Variants in GRIP1 observed in about 807,000 individuals in gnomAD.
The protein encoded by GRIP1 is glutamate receptor interacting protein 1, also known as glutamate receptor-interacting protein 1.
GRIP1 carries 45 observed loss-of-function variants against 129.9 expected under a neutral mutation model. The observed-to-expected ratio is 0.35, with a 90% CI of 0.27 to 0.44. GRIP1 has a LOEUF of 0.44. Among genes scored for constraint, GRIP1 ranks in the 20% least tolerant of loss-of-function variants. The pLI, the probability that GRIP1 is intolerant of heterozygous loss-of-function variation, is 1.00. For synonymous variants in GRIP1, 530 were observed against 520.8 expected (o/e 1.02, Z -0.24); for missense variants, 1,196 against 1,396.8 (o/e 0.86, Z 2.29).
intron 1 of GRIP1, among the ~76,000 whole-genome samples, chr12:66,859,043 G>A (rs2040054650): frequency 6.6e-6 from 1 of 151,722 alleles, no homozygotes; most frequent in African/African-American, 2.4e-5. Flanking sequence ...CTATGAATCT[G>A]TCCAGGTATT....
chr12:66,970,911 T>C lies in GRIP1; in HGVS notation c.58+98139A>G, dbSNP rs186444827. On this transcript the variant is annotated intron_variant, in intron 1 of 1. Transcript: ENST00000643019. ...TTCCTTGGAGAGTAAGTCTTTATCA[T>C]AGAGAACATTCTGAGCGCACTTCAA... Among the ~76,000 whole-genome samples the C allele has an allele frequency of 2.0e-3, 308 of 152,300 alleles. 2 individuals are homozygous for C. Among genetic ancestry groups the C allele is most frequent in the African/African-American group, 7.0e-3 (289 of 41,576 alleles).
chr12:66,805,412 T>G (rs935082396), upstream of GRIP1, among the ~76,000 whole-genome samples: 1 of 152,186 alleles, frequency 6.6e-6, no homozygotes, highest in African/African-American at 2.4e-5. Context: ...TTCTTTCTTC[T>G]TCAGGTCTTT....
intron 1 of GRIP1, among the ~76,000 whole-genome samples, chr12:66,964,209 A>G (rs988472302): frequency 6.6e-6 from 1 of 152,096 alleles, no homozygotes; most frequent in Non-Finnish European, 1.5e-5. Flanking sequence ...TTATTCAGCA[A>G]TTTTTTTGTT....
chr12:66,887,309 G>A (rs765213093), intron 1 of GRIP1, among the ~76,000 whole-genome samples: 3 of 152,204 alleles, frequency 2.0e-5, no homozygotes, highest in Admixed American at 1.3e-4. Context: ...AAATCATAAT[G>A]CCTAATTATA....
chr12:66,686,377 ACCAAATACACATTCAT>A (rs1342453450), intron 1 of GRIP1, among the ~76,000 whole-genome samples: 1 of 152,244 alleles, frequency 6.6e-6, no homozygotes, highest in Non-Finnish European at 1.5e-5. Context: ...TGAAGGAAAT[ACCAAATACACATTCAT>A]CCTGATAGTA....
intron 13 of GRIP1, among the ~76,000 whole-genome samples, chr12:66,436,846 C>T (rs1296075182): frequency 1.3e-5 from 2 of 151,842 alleles, no homozygotes; most frequent in Non-Finnish European, 2.9e-5. Context: ...CTTAGCCAGG[C>T]TTGGTGGCAC....
chr12:66,357,783 CA>C (rs1224299507), intron 23 of GRIP1, among the ~76,000 whole-genome samples: 1 of 152,144 alleles, frequency 6.6e-6, no homozygotes, highest in Non-Finnish European at 1.5e-5. Flanking sequence ...AATTTCAAAA[CA>C]GGGAATTTGT....
At chr12:66,938,725 A>G (rs557615925) in intron 1 of GRIP1, among the ~76,000 whole-genome samples, 10 of 151,952 alleles carry the variant, frequency 6.6e-5, no homozygotes, top group Admixed American at 1.3e-4. Flanking sequence ...TTGGGAGGCC[A>G]AGGCGGGCAG....
intron 6 of GRIP1, among the ~76,000 whole-genome samples, chr12:66,516,325 C>T (rs189792099): frequency 6.6e-6 from 1 of 152,114 alleles, no homozygotes; most frequent in Admixed American, 6.6e-5. Flanking sequence ...CCTGCTGTGA[C>T]CACAGACACT....
At chr12:66,566,192 C>A (rs1025872402) in intron 2 of GRIP1, among the ~76,000 whole-genome samples, 22 of 152,170 alleles carry the variant, frequency 1.4e-4, no homozygotes, top group African/African-American at 4.8e-4. Context: ...GCATCCCTGT[C>A]TTGTGCCAGT....
chr12:66,759,281 T>C (rs1168286792), intron 1 of GRIP1, among the ~76,000 whole-genome samples: 1 of 152,234 alleles, frequency 6.6e-6, no homozygotes, highest in Admixed American at 6.5e-5. Context: ...GCATGAGTTC[T>C]ACATTGGCCC....
chr12:66,540,424 A>G (rs2061737857), intron 3 of GRIP1, among the ~76,000 whole-genome samples: 1 of 152,154 alleles, frequency 6.6e-6, no homozygotes, highest in Non-Finnish European at 1.5e-5. Context: ...CTTAAGGGAG[A>G]GCTATAAAGA....
intron 1 of GRIP1, among the ~76,000 whole-genome samples, chr12:66,731,515 A>G (rs1348548849): frequency 6.6e-6 from 1 of 152,200 alleles, no homozygotes; most frequent in Non-Finnish European, 1.5e-5. Context: ...AACCTTTTAT[A>G]CAATATCTGC....
intron 16 of GRIP1, among the ~76,000 whole-genome samples, chr12:66,397,271 G>T (rs2056829599): frequency 1.3e-5 from 2 of 152,024 alleles, no homozygotes. Flanking sequence ...CAGCACTTTG[G>T]GAGGCCAAAG....
At chr12:66,675,304 T>C (rs2034274984) in intron 1 of GRIP1, among the ~76,000 whole-genome samples, 1 of 152,056 alleles carries the variant, frequency 6.6e-6, no homozygotes, top group Non-Finnish European at 1.5e-5. Context: ...AGAGTGAAGC[T>C]TGTGAAAGAA....
intron 1 of GRIP1, among the ~76,000 whole-genome samples, chr12:67,006,667 A>G (rs1390241458): frequency 1.3e-5 from 2 of 152,246 alleles, no homozygotes; most frequent in South Asian, 4.1e-4. Flanking sequence ...CTACGAGGCT[A>G]CTGGCTGGCA....
At chr12:66,889,820 C>T (rs532327244) in intron 1 of GRIP1, among the ~76,000 whole-genome samples, 2 of 152,292 alleles carry the variant, frequency 1.3e-5, no homozygotes, top group East Asian at 1.9e-4. Context: ...ATAATAACTG[C>T]CACTGATCGA....
rs1030779279 is a variant in GRIP1, at chr12:66,551,761, T to C, written c.137-9811A>G. 2.0e-5 allele frequency among the ~76,000 whole-genome samples: 3 copies of C among 151,880 alleles called. No homozygotes were observed. In the South Asian group the frequency reaches 6.2e-4, roughly 32 times the overall value. ...AACAATTTTGTTGTTGTTGTTGTTG[T>C]TGTACAGATGGGGTCTCACTATGTT... On this transcript the variant is annotated intron_variant, in intron 2 of 24. Coordinates refer to ENST00000359742, the MANE Select transcript of GRIP1 (RefSeq NM_001366722.1).
chr12:66,764,304 A>G (rs1041955418), intron 1 of GRIP1, among the ~76,000 whole-genome samples: 2 of 152,232 alleles, frequency 1.3e-5, no homozygotes, highest in African/African-American at 4.8e-5. Flanking sequence ...GCTCTAGGCT[A>G]CAGCCATCTA....
Sources: gnomAD v4.1 joint callset for allele counts (sites outside exome capture counted in the v4.1 genomes callset) on GRCh38, gnomAD v4.1.1 for gene constraint, MANE v1.5 for transcripts, NCBI Gene and HGNC (gene_info 2026-07-23, HGNC 2026-07-21) for gene names.